The following POLI variants were observed in gnomAD, a reference collection of about 807,000 sequenced individuals.
POLI encodes the protein RAD30 homolog B.
In POLI, 58 loss-of-function variants were observed where a neutral mutation model predicts 51.6. That is an observed-to-expected ratio of 1.12 (90% CI 0.91 to 1.40). POLI has a LOEUF of 1.40. Ranked by LOEUF, POLI falls within the 40% of genes most tolerant of loss-of-function variation. POLI has a pLI of 0.00. For missense variants in POLI, 921 were observed against 871.3 expected, an observed-to-expected ratio of 1.06 and a Z score of -0.72; for synonymous variants, 322 against 299.7, an observed-to-expected ratio of 1.07 and a Z score of -0.77.
intron 3 of POLI, among the ~76,000 whole-genome samples, chr18:54,274,507 A>G (rs1329018062): frequency 6.6e-6 from 1 of 151,852 alleles, no homozygotes; most frequent in East Asian, 1.9e-4. Flanking sequence ...ATAATTAAAA[A>G]CTGATTTCTT....
Position 54,271,378 on chromosome 18 carries a change from T to A in POLI, c.134T>A (p.Leu45Ter), listed in dbSNP as rs1240329008. 2 of 1,612,492 alleles carry A rather than the reference T, an allele frequency of 1.2e-6. No individual in the cohort carries two copies. The highest frequency in any genetic ancestry group is 1.7e-6 in the Non-Finnish European group (2 of 1,179,058). The change falls in exon 2 of 10, where the codon TTG (leucine) becomes TAG (stop). Residue 45 changes from leucine (L) to a stop codon, truncating the protein, a stop_gained. Transcript: ENST00000579534. LOFTEE classifies it high-confidence loss of function. Reference sequence around the variant, plus strand: ...TGTGCAGGAGTTCATGATCAAGTGTTGCCCACACCAAATGCTTCATCCAGA... The same window carrying A: ...TGTGCAGGAGTTCATGATCAAGTGTAGCCCACACCAAATGCTTCATCCAGA... ...ASSQGVHDQV[L>*]PTPNASSRVI...
chr18:54,288,476 C>G (rs2087847486), intron 8 of POLI, among the ~76,000 whole-genome samples: 1 of 152,116 alleles, frequency 6.6e-6, no homozygotes, highest in Admixed American at 6.6e-5. Flanking sequence ...GAAGACTATT[C>G]TCCACCCACT....
downstream of POLI, among the ~76,000 whole-genome samples, chr18:54,301,770 G>C (rs1035053862): frequency 2.6e-5 from 4 of 152,078 alleles, no homozygotes; most frequent in Non-Finnish European, 5.9e-5. Context: ...GAAACTTCAG[G>C]CAGTAAGCTA....
rs906264722 is a variant in POLI at position 54,271,474 on chromosome 18, A to G, written c.230A>G (p.Asp77Gly). The change falls in exon 2 of 10, where the codon GAC becomes GGC. Residue 77 changes from aspartate to glycine, a missense_variant. Physicochemically the swap from Asp to Gly is moderately conservative, Grantham distance 94. Transcript: ENST00000579534. ...VEMISNPELK[D>G]KPLGVQQKYL... is the part of the protein sequence containing the mutation. ...ATGATCTCAAATCCAGAGCTAAAAG[A>G]CAAACCTTTAGGTAACTGTAGATTT... is the stretch of plus-strand genomic sequence containing the variant. 6.3e-7 allele frequency: 1 copy of G among 1,597,954 alleles called. No individual in the cohort carries two copies. The highest frequency in any genetic ancestry group is 2.2e-5 in the East Asian group (1 of 44,660).
chr18:54,272,283 A>G (rs1005572193), intron 2 of POLI: 13 of 152,182 alleles, frequency 8.5e-5, no homozygotes, highest in African/African-American at 3.1e-4. Context: ...GGTGCCAAGG[A>G]GTTAGAATCA....
chr18:54,293,505 T>C, intron 9 of POLI, 144 bp from the exon 10 acceptor site: 1 of 571,554 alleles, frequency 1.7e-6, no homozygotes. Context: ...AGTAGATCTC[T>C]AGTTGTTTGG....
chr18:54,280,876 A>T lies in POLI; in HGVS notation c.769A>T (p.Ser257Cys). 1 of 1,601,110 alleles carries T rather than the reference A, an allele frequency of 6.2e-7. No homozygotes were observed. Among genetic ancestry groups the T allele is most frequent in the Non-Finnish European group, 8.6e-7 (1 of 1,168,172 alleles). ...TGAAAGTTGTCAACATCTTATTCAT[A>T]GTTTGAATCACATAAAGGAAATACC... is the stretch of plus-strand genomic sequence containing the variant. ...LPESCQHLIH[S>C]LNHIKEIPGI... is the part of the protein sequence containing the mutation. Residue 257 changes from serine (S) to cysteine (C), a missense_variant, in exon 5 of 10, where the codon AGT becomes TGT. By Grantham distance (112) the Ser-to-Cys change is moderately radical (BLOSUM62 -1). Transcript: ENST00000579534.
chr18:54,291,999 A>G lies in POLI; in HGVS notation c.1365A>G (p.Pro455=), dbSNP rs188937240. ...GGCTTATTGATTATTATTTAATGCC[A>G]TCATTATCAACTACTTCACGCTCTG... is the stretch of plus-strand genomic sequence containing the variant. ...KKGLIDYYLM[P]SLSTTSRSGK... Residue 455 remains proline (P), a synonymous_variant, in exon 9 of 10, where the codon CCA becomes CCG. Transcript: ENST00000579534. The G allele has an allele frequency of 1.2e-4, 196 of 1,609,998 alleles. 2 individuals carry two copies. In the South Asian group the frequency reaches 1.9e-3, roughly 16 times the overall value.
downstream of POLI, among the ~76,000 whole-genome samples, chr18:54,302,313 T>C (rs2088506387): frequency 6.6e-6 from 1 of 152,214 alleles, no homozygotes; most frequent in South Asian, 2.1e-4. Context: ...CTTAGTATAC[T>C]TCCTAGATTC....
rs3730713 is a variant in POLI, at chr18:54,276,262, G to A, written c.407-1441G>A. ...GCATGTGCCTGCAGTCCCAGAGGCCGAGGTAGGAGGATTGCTTGGGCCCAG... is the reference window on the plus strand; with the variant it reads ...GCATGTGCCTGCAGTCCCAGAGGCCAAGGTAGGAGGATTGCTTGGGCCCAG... On this transcript the variant is annotated intron_variant, in intron 3 of 9. Coordinates refer to ENST00000579534, the MANE Select transcript of POLI (RefSeq NM_007195.3). Among the ~76,000 whole-genome samples the A allele has an allele frequency of 6.9e-3, 1,045 of 152,078 alleles. 15 individuals carry two copies. The highest frequency in any genetic ancestry group is 0.031 in the Middle Eastern group (9 of 294).
Position 54,297,675 on chromosome 18 carries a change from G to A in POLI, c.*3208G>A. Reference sequence around the variant, plus strand: ...TCATATATTTTCCCTTTACTGATTTGGAATGTGAATGTTACAAGTCCTTTT... The same window carrying A: ...TCATATATTTTCCCTTTACTGATTTAGAATGTGAATGTTACAAGTCCTTTT... On this transcript the variant is annotated 3_prime_UTR_variant, in exon 10 of 10. Transcript: ENST00000579534. 4 of 974,174 alleles carry A rather than the reference G, an allele frequency of 4.1e-6. No homozygotes were observed. The highest frequency in any genetic ancestry group is 3.7e-6 in the Non-Finnish European group (3 of 819,840). 60.3% of individuals were successfully genotyped at this position (974,174 alleles called of 1,614,324 possible). A position where few individuals can be genotyped will look rare whatever the true frequency, so the allele number is the denominator to read the frequency against.
At position 54,294,585 on chromosome 18, in the gene POLI, C is replaced by G. The variant is rs1272501519; in HGVS notation, c.*118C>G. On this transcript the variant is annotated 3_prime_UTR_variant, in exon 10 of 10. Transcript: ENST00000579534. ...TATTCAATAACGGAGTAAACTGTTC[C>G]AGATAAAGCAAGAATAGTTGCAAGA... 7.5e-7 allele frequency: 1 copy of G among 1,333,980 alleles called. No homozygotes were observed. Among genetic ancestry groups the G allele is most frequent in the Middle Eastern group, 2.8e-4 (1 of 3,632 alleles). 82.6% of individuals were successfully genotyped at this position (1,333,980 alleles called of 1,614,324 possible). A position where few individuals can be genotyped will look rare whatever the true frequency, so the allele number is the denominator to read the frequency against.
At position 54,286,901 on chromosome 18, in the gene POLI, G is replaced by A. The variant is rs1022761036; in HGVS notation, c.1068-380G>A. Among the ~76,000 whole-genome samples, 3 of 151,734 alleles carry A rather than the reference G, an allele frequency of 2.0e-5. No homozygotes were observed. The South Asian group carries it at 6.2e-4, about 32-fold the overall frequency. ...GAAGGTTGCAGTGAGCTGAGATTGT[G>A]CCACCACATTCCAGCCTGGGCAACA... On this transcript the variant is annotated intron_variant, in intron 7 of 9. Coordinates refer to ENST00000579534, the MANE Select transcript of POLI (RefSeq NM_007195.3).
At chr18:54,287,238 A>G (rs896622489) in intron 7 of POLI, 43 bp from the exon 8 acceptor site, 1 of 1,396,032 alleles carries the variant, frequency 7.2e-7, no homozygotes, top group East Asian at 2.5e-5. Flanking sequence ...TAAAAAGGTA[A>G]TACTTTTCTA....
intron 2 of POLI, chr18:54,272,158 G>A (rs1408677488): frequency 6.6e-6 from 1 of 152,112 alleles, no homozygotes; most frequent in South Asian, 2.1e-4. Flanking sequence ...CTACCCTCTT[G>A]TGCCCACTTT....
rs146190199 is a variant in POLI, at chr18:54,287,293, T to C, written c.1080T>C (p.Asp360=). Reference sequence around the variant, plus strand: ...TCTTTATTTTTAGAGTATGCCAAGATGGAAGGAAGCCTCATACAGTGAGAT... The same window carrying C: ...TCTTTATTTTTAGAGTATGCCAAGACGGAAGGAAGCCTCATACAGTGAGAT... ...LASLLNRVCQ[D]GRKPHTVRLI... The change falls in exon 8 of 10, where the codon GAT becomes GAC. Residue 360 remains aspartate (D), a synonymous_variant. Transcript: ENST00000579534. The C allele has an allele frequency of 2.8e-5, 44 of 1,574,214 alleles. 1 individual carries two copies. The highest frequency in any genetic ancestry group is 3.5e-5 in the Non-Finnish European group (40 of 1,154,404).
chr18:54,294,637 A>G lies in POLI; in HGVS notation c.*170A>G. The G allele has an allele frequency of 1.6e-6, 2 of 1,284,314 alleles. No individual in the cohort carries two copies. Among genetic ancestry groups the G allele is most frequent in the Middle Eastern group, 3.0e-4 (1 of 3,376 alleles). The allele number at this position is 1,284,314 out of a possible 1,614,324, so 79.6% of individuals were successfully genotyped here. On this transcript the variant is annotated 3_prime_UTR_variant, in exon 10 of 10. Coordinates refer to ENST00000579534, the MANE Select transcript of POLI (RefSeq NM_007195.3). Reference sequence around the variant, plus strand: ...GTAAATTCTGGCACAAAGCGTAAAAATATAACAGAAGAAATAATGTAAAAT... The same window carrying G: ...GTAAATTCTGGCACAAAGCGTAAAAGTATAACAGAAGAAATAATGTAAAAT...
chr18:54,316,095 T>C (rs1436071353), intron 3 of POLI, among the ~76,000 whole-genome samples: 1 of 152,104 alleles, frequency 6.6e-6, no homozygotes, highest in Non-Finnish European at 1.5e-5. Flanking sequence ...TGCTATTTTT[T>C]GTAGAGACAG....
intron 3 of POLI, among the ~76,000 whole-genome samples, chr18:54,304,797 TG>T (rs1458577675): frequency 6.6e-6 from 1 of 152,240 alleles, no homozygotes. Flanking sequence ...TGGCTTTTGT[TG>T]CCATTGCTTT....
Sources: gnomAD v4.1 joint callset for allele counts (sites outside exome capture counted in the v4.1 genomes callset) on GRCh38, gnomAD v4.1.1 for gene constraint, MANE v1.5 for transcripts, NCBI Gene and HGNC (gene_info 2026-07-23, HGNC 2026-07-21) for gene names.